The following DIAPH2 variants were observed in gnomAD, a reference collection of about 807,000 sequenced individuals.
The protein encoded by DIAPH2 is protein diaphanous homolog 2.
Under a neutral mutation model 92.7 loss-of-function variants are expected in DIAPH2, and 35 were observed. The ratio of observed to expected loss-of-function variants is 0.38; its 90% CI spans 0.29 to 0.50. The LOEUF (loss-of-function observed/expected upper bound fraction) is 0.50. Ranked by LOEUF, DIAPH2 falls within the 20% of genes least tolerant of loss-of-function variation. The pLI is 0.94. For missense variants in DIAPH2, 701 were observed against 819.5 expected, an observed-to-expected ratio of 0.86 and a Z score of 1.77; for synonymous variants, 301 against 280.4, an observed-to-expected ratio of 1.07 and a Z score of -0.73.
At chrX:97,303,123 T>G (rs1265326643) in intron 23 of DIAPH2, among the ~76,000 whole-genome samples, 1 of 112,872 alleles carries the variant, frequency 8.9e-6, no homozygotes, top group African/African-American at 3.2e-5. Context: ...TTTGCATTTC[T>G]TTTACTTTTT....
rs184444351 is a variant in DIAPH2 at position 97,136,940 on chromosome X, G to A, written c.2590-4725G>A. 7.3e-5 allele frequency among the ~76,000 whole-genome samples: 8 copies of A among 109,288 alleles called. No individual in the cohort carries two copies. The East Asian group carries it at 8.6e-4, about 12-fold the overall frequency. The allele number at this position is 109,288 out of a possible 115,157, so 94.9% of individuals were successfully genotyped here. A position where few individuals can be genotyped will look rare whatever the true frequency, so the allele number is the denominator to read the frequency against. ...TGCCACCAAATTATTCTCCTATGTCGTTTCTTTTCTATATCATTTTGTATT... is the reference window on the plus strand; with the variant it reads ...TGCCACCAAATTATTCTCCTATGTCATTTCTTTTCTATATCATTTTGTATT... On this transcript the variant is annotated intron_variant, in intron 21 of 26. Transcript: ENST00000324765.
chrX:97,448,586 G>A (rs2070332707), intron 26 of DIAPH2, among the ~76,000 whole-genome samples: 1 of 112,054 alleles, frequency 8.9e-6, no homozygotes, highest in South Asian at 3.7e-4. Context: ...TACTGTCATG[G>A]TAACCTCACC....
chrX:96,935,754 A>T (rs1381694803), intron 10 of DIAPH2, among the ~76,000 whole-genome samples: 1 of 112,218 alleles, frequency 8.9e-6, no homozygotes, highest in Non-Finnish European at 1.9e-5. Flanking sequence ...CATTTTAATT[A>T]TGCTGACTGA....
At chrX:97,209,514 T>A (rs1430098863) in intron 22 of DIAPH2, among the ~76,000 whole-genome samples, 5 of 111,877 alleles carry the variant, frequency 4.5e-5, no homozygotes, top group Non-Finnish European at 9.4e-5. Context: ...CTTTTTTAAT[T>A]AACTTTGTCA....
At chrX:97,187,280 C>CTTTTTTTTTTTTTTTTTTTTTTTTTTTTT (rs1569323905) in intron 22 of DIAPH2, among the ~76,000 whole-genome samples, 1 of 10,220 alleles carries the variant, frequency 9.8e-5, no homozygotes, top group African/African-American at 1.3e-4. Context: ...AATTAAGTAG[C>CTTTTTTTTTTTTTTTTTTTTTTTTTTTTT]CTTTTTTTTT....
intron 22 of DIAPH2, among the ~76,000 whole-genome samples, chrX:97,203,088 T>C (rs1222807447): frequency 9.0e-6 from 1 of 111,528 alleles, no homozygotes; most frequent in Non-Finnish European, 1.9e-5. Flanking sequence ...TATAACAAAA[T>C]GAAGGCAGAA....
intron 4 of DIAPH2, among the ~76,000 whole-genome samples, chrX:96,813,733 C>T (rs779812675): frequency 2.4e-4 from 27 of 111,591 alleles, no homozygotes; most frequent in African/African-American, 6.5e-4. Context: ...TGACAAAATC[C>T]CTCAGCATTT....
intron 4 of DIAPH2, among the ~76,000 whole-genome samples, chrX:96,813,116 G>C (rs2064699505): frequency 9.0e-6 from 1 of 110,939 alleles, no homozygotes; most frequent in South Asian, 3.8e-4. Context: ...ATGTTGACAG[G>C]GGGGTGTTAA....
rs199802804 is a variant in DIAPH2 at position 96,962,406 on chromosome X, CATAT to C, written c.1936-2679_1936-2676del. Reference sequence around the variant, plus strand: ...ACATATATATACACATATATATACACATATATATATACACATATATATACATATA... The same window carrying C: ...ACATATATATACACATATATATACACATATATACACATATATATACATATA... On this transcript the variant is annotated intron_variant, in intron 16 of 26. Transcript: ENST00000324765. Among the ~76,000 whole-genome samples the C allele has an allele frequency of 3.2e-4, 17 of 53,260 alleles. 1 individual carries two copies. Among genetic ancestry groups the C allele is most frequent in the East Asian group, 2.7e-3 (6 of 2,241 alleles). 46.2% of individuals were successfully genotyped at this position (53,260 alleles called of 115,157 possible).
At chrX:97,416,381 C>T (rs1378582414) in intron 25 of DIAPH2, among the ~76,000 whole-genome samples, 1 of 112,216 alleles carries the variant, frequency 8.9e-6, no homozygotes, top group Non-Finnish European at 1.9e-5. Context: ...GACCCAAAGA[C>T]AGCCTACTTT....
At chrX:96,957,776 T>G in intron 15 of DIAPH2, 52 bp from the exon 16 acceptor site, 7 of 906,430 alleles carry the variant, frequency 7.7e-6, no homozygotes, top group Non-Finnish European at 9.4e-6. Context: ...ATTTCTTCAG[T>G]TTTTTCAATT....
At chrX:97,282,349 A>G (rs2068505105) in intron 23 of DIAPH2, among the ~76,000 whole-genome samples, 2 of 111,687 alleles carry the variant, frequency 1.8e-5, no homozygotes, top group African/African-American at 3.3e-5. Flanking sequence ...GCTGGAGTGC[A>G]GTGGCGCGAA....
At chrX:97,326,664 G>A (rs1012032135) in intron 23 of DIAPH2, among the ~76,000 whole-genome samples, 23 of 112,552 alleles carry the variant, frequency 2.0e-4, no homozygotes, top group Admixed American at 1.8e-3. Context: ...TCAAAGGAAA[G>A]CAAGTTTGTG....
intron 19 of DIAPH2, among the ~76,000 whole-genome samples, chrX:97,083,743 C>T (rs754098932): frequency 3.6e-5 from 4 of 112,140 alleles, no homozygotes; most frequent in African/African-American, 1.3e-4. Flanking sequence ...TTAATACGTT[C>T]CCAATCATTT....
At chrX:97,578,099 T>C (rs1255937495) in intron 26 of DIAPH2, among the ~76,000 whole-genome samples, 2 of 108,863 alleles carry the variant, frequency 1.8e-5, no homozygotes, top group Non-Finnish European at 3.8e-5. Context: ...CTTTCTTTTT[T>C]TTTTTTTTTT....
At position 97,141,794 on chromosome X, in the gene DIAPH2, G is replaced by A; in HGVS notation, c.2719G>A (p.Val907Ile). ...GGAACACGTAGAAAGTGCAAGCAAA[G>A]GTAATTGATTTATAACTACTTTGAG... ...ELEHVESASK[V>I]SAQILKSNLA... is the part of the protein sequence containing the mutation. Residue 907 changes from valine (V) to isoleucine (I), a missense_variant and splice_region_variant, in exon 22 of 27, where the codon GTT (valine) becomes ATT (isoleucine). Coordinates refer to ENST00000324765, the MANE Select transcript of DIAPH2 (RefSeq NM_006729.5). 1 of 1,199,966 alleles carries A rather than the reference G, an allele frequency of 8.3e-7. No individual in the cohort carries two copies. Among genetic ancestry groups the A allele is most frequent in the Non-Finnish European group, 1.1e-6 (1 of 891,128 alleles).
Position 97,587,996 on chromosome X carries a change from G to A in DIAPH2, c.3242-11257G>A, listed in dbSNP as rs1045732694. On this transcript the variant is annotated intron_variant, in intron 26 of 26. Transcript: ENST00000324765. ...TACACTGAGAACTTTGACCTGTCAC[G>A]CTAAATTGTGACTATCCATTGTAAG... 7.5e-4 allele frequency among the ~76,000 whole-genome samples: 84 copies of A among 111,686 alleles called. 1 individual carries two copies. Among genetic ancestry groups the A allele is most frequent in the African/African-American group, 2.6e-3 (79 of 30,768 alleles).
intron 1 of DIAPH2, among the ~76,000 whole-genome samples, chrX:96,711,851 CATA>C (rs753808929): frequency 9.0e-6 from 1 of 110,744 alleles, no homozygotes; most frequent in Non-Finnish European, 1.9e-5. Flanking sequence ...ATTCAAATGT[CATA>C]ATATTTGTTA....
intron 24 of DIAPH2, among the ~76,000 whole-genome samples, chrX:97,360,857 G>A (rs2069318215): frequency 9.1e-6 from 1 of 110,467 alleles, no homozygotes; most frequent in African/African-American, 3.3e-5. Flanking sequence ...TATAAGATTT[G>A]TAAATAAAAA....
Sources: allele counts gnomAD v4.1 joint callset (sites outside exome capture counted in the v4.1 genomes callset), GRCh38; gene constraint gnomAD v4.1.1; transcripts MANE v1.5; gene names NCBI Gene and HGNC (gene_info 2026-07-23, HGNC 2026-07-21).